RABGAP1: variants seen among roughly 807,000 people sequenced by gnomAD.
RABGAP1 encodes rab GTPase-activating protein 1.
RABGAP1 carries 23 observed loss-of-function variants against 137.6 expected under a neutral mutation model. That is an observed-to-expected ratio of 0.17 (90% CI 0.12 to 0.24). The LOEUF (loss-of-function observed/expected upper bound fraction) is 0.24. RABGAP1 is among the 10% of genes least tolerant of loss of function. RABGAP1 has a pLI of 1.00. For missense variants in RABGAP1, 906 were observed against 1,275.8 expected, an observed-to-expected ratio of 0.71 and a Z score of 4.42; for synonymous variants, 451 against 450.7, an observed-to-expected ratio of 1.00 and a Z score of -0.01.
In RABGAP1 at chr9:123,098,705, A is replaced by G. The variant is rs766566836; in HGVS notation, c.2734-10A>G. On this transcript the variant is annotated splice_polypyrimidine_tract_variant and intron_variant, in intron 22 of 25. Coordinates refer to ENST00000373647, the MANE Select transcript of RABGAP1 (RefSeq NM_012197.4). ...TTAACATAGTCCCTTTTGTTTTTTT[A>G]TGTGTGCAGTTAAAAGAAATGTGCC... The G allele has an allele frequency of 5.0e-6, 8 of 1,606,146 alleles. No homozygotes were observed. Among genetic ancestry groups the G allele is most frequent in the African/African-American group, 1.3e-5 (1 of 74,138 alleles).
intron 6 of RABGAP1, among the ~76,000 whole-genome samples, chr9:122,993,724 C>T (rs914000421): frequency 5.3e-5 from 8 of 152,154 alleles, no homozygotes; most frequent in East Asian, 1.9e-4. Flanking sequence ...CGTACAGTGG[C>T]GCAGTCTCGG....
Position 122,986,344 on chromosome 9 carries a change from C to G in RABGAP1, c.515C>G (p.Ser172Cys). 6.2e-7 allele frequency: 1 copy of G among 1,614,038 alleles called. No individual in the cohort carries two copies. Among genetic ancestry groups the G allele is most frequent in the Non-Finnish European group, 8.5e-7 (1 of 1,179,980 alleles). ...RSEVEALRMM[S>C]ILRSQCQISL... ...GAAGTGGAAGCCTTAAGGATGATGT[C>G]CATCTTAAGAAGCCAGTGTCAGATT... The change falls in exon 4 of 26, where the codon TCC becomes TGC. Residue 172 changes from serine to cysteine, a missense_variant. Ser to Cys is a moderately radical substitution (Grantham distance 112). This residue lies in a region of RABGAP1 where 331 missense variants were observed against 358.3 expected (regional missense o/e 0.92). Coordinates refer to ENST00000373647, the MANE Select transcript of RABGAP1 (RefSeq NM_012197.4).
At chr9:123,069,892 A>T (rs897695668) in intron 14 of RABGAP1, among the ~76,000 whole-genome samples, 5 of 152,158 alleles carry the variant, frequency 3.3e-5, no homozygotes, top group African/African-American at 1.2e-4. Flanking sequence ...TCTAAAAATA[A>T]AATAAAATGC....
At chr9:122,966,486 G>C (rs939417607) in intron 2 of RABGAP1, among the ~76,000 whole-genome samples, 1 of 151,996 alleles carries the variant, frequency 6.6e-6, no homozygotes, top group African/African-American at 2.4e-5. Context: ...TTGTGCCATT[G>C]CCCCCCAGCC....
rs376003136 is a variant in RABGAP1, at chr9:123,001,147, C to T, written c.1374+2381C>T. 7.1e-4 allele frequency among the ~76,000 whole-genome samples: 108 copies of T among 152,088 alleles called. No homozygotes were observed. The East Asian group carries it at 0.02, about 28-fold the overall frequency. ...ACAGGTGGGAGCCACCGCGCCTGGC[C>T]CTATTTTTTTATTTTTTTAACCAGA... is the stretch of plus-strand genomic sequence containing the variant. On this transcript the variant is annotated intron_variant, in intron 10 of 25. Transcript: ENST00000373647.
chr9:122,938,175 A>C (rs1322812966), upstream of RABGAP1: 1 of 152,174 alleles, frequency 6.6e-6, no homozygotes, highest in African/African-American at 2.4e-5. Flanking sequence ...TCCTTAGCTC[A>C]AGCCTTCCTC....
intron 14 of RABGAP1, among the ~76,000 whole-genome samples, chr9:123,066,367 TG>T (rs1321149162): frequency 6.6e-6 from 1 of 152,234 alleles, no homozygotes; most frequent in African/African-American, 2.4e-5. Context: ...GCTTAAGCAG[TG>T]ACCCCTGCCA....
chr9:123,095,210 G>A (rs1019904416), intron 21 of RABGAP1, among the ~76,000 whole-genome samples: 1 of 112,290 alleles, frequency 8.9e-6, no homozygotes, highest in African/African-American at 3.3e-5. Flanking sequence ...CTGGGTGACA[G>A]AGTGAAACCT....
chr9:123,006,199 T>G (rs1287464421), intron 10 of RABGAP1, among the ~76,000 whole-genome samples: 3 of 152,212 alleles, frequency 2.0e-5, no homozygotes, highest in Admixed American at 1.3e-4. Flanking sequence ...TCTTATGTAC[T>G]TGAATATATC....
At chr9:123,023,118 T>TA (rs2031745709) in intron 13 of RABGAP1, among the ~76,000 whole-genome samples, 1 of 152,150 alleles carries the variant, frequency 6.6e-6, no homozygotes, top group African/African-American at 2.4e-5. Flanking sequence ...TAAATACCCT[T>TA]ACTACACCCC....
intron 1 of RABGAP1, among the ~76,000 whole-genome samples, chr9:122,951,133 A>G (rs1308457179): frequency 6.6e-6 from 1 of 152,298 alleles, no homozygotes; most frequent in East Asian, 1.9e-4. Context: ...GTAGAGGTGG[A>G]GGCATTAATA....
In RABGAP1 at chr9:123,090,269, C is replaced by A. The variant is rs2034996075; in HGVS notation, c.2518-6C>A. The stretch of plus-strand genomic sequence containing the variant: ...TGTCTGTAACTGGTTTCTTTCTACC[C>A]TTCAGCGGGAGAATAGGCGTCTACA... On this transcript the variant is annotated splice_region_variant and splice_polypyrimidine_tract_variant and intron_variant, in intron 20 of 25. Coordinates refer to ENST00000373647, the MANE Select transcript of RABGAP1 (RefSeq NM_012197.4). 1.9e-6 allele frequency: 3 copies of A among 1,604,466 alleles called. No homozygotes were observed. The highest frequency in any genetic ancestry group is 2.6e-6 in the Non-Finnish European group (3 of 1,173,962).
At chr9:123,031,487 T>A (rs1449822720) in intron 13 of RABGAP1, among the ~76,000 whole-genome samples, 1 of 152,120 alleles carries the variant, frequency 6.6e-6, no homozygotes, top group Non-Finnish European at 1.5e-5. Flanking sequence ...AAATGTACAT[T>A]TTGGATATTT....
chr9:122,965,442 G>A (rs1007131722), intron 2 of RABGAP1, among the ~76,000 whole-genome samples: 1 of 152,132 alleles, frequency 6.6e-6, no homozygotes, highest in African/African-American at 2.4e-5. Flanking sequence ...GGAGTGCAGT[G>A]GCGTGATCTC....
intron 5 of RABGAP1, 27 bp from the exon 6 acceptor site, chr9:122,990,029 C>G: frequency 6.4e-7 from 1 of 1,551,992 alleles, no homozygotes; most frequent in Non-Finnish European, 8.8e-7. Flanking sequence ...TTGATAACAG[C>G]CCATTTCCTA....
At chr9:123,091,009 GATA>G (rs1284965099) in intron 21 of RABGAP1, among the ~76,000 whole-genome samples, 1 of 152,230 alleles carries the variant, frequency 6.6e-6, no homozygotes, top group Non-Finnish European at 1.5e-5. Flanking sequence ...TAAAGGGATG[GATA>G]ATAAGTGTTT....
At chr9:123,067,414 G>C (rs1017239728) in intron 14 of RABGAP1, among the ~76,000 whole-genome samples, 4 of 152,198 alleles carry the variant, frequency 2.6e-5, no homozygotes, top group Non-Finnish European at 5.9e-5. Context: ...GATCATTTCA[G>C]TGGCCTCCAC....
chr9:122,967,849 C>T (rs1310642899), intron 2 of RABGAP1, among the ~76,000 whole-genome samples: 1 of 151,866 alleles, frequency 6.6e-6, no homozygotes, highest in East Asian at 1.9e-4. Context: ...GCCTCAGCCT[C>T]CTGAGTAGCT....
At chr9:123,057,919 G>A (rs926731063) in intron 13 of RABGAP1, among the ~76,000 whole-genome samples, 1 of 151,982 alleles carries the variant, frequency 6.6e-6, no homozygotes. Context: ...CAGGCGTGGC[G>A]GCGCGCGCCT....
Sources: allele counts gnomAD v4.1 joint callset (sites outside exome capture counted in the v4.1 genomes callset), GRCh38; gene constraint gnomAD v4.1.1; regional missense constraint gnomAD v4.1.1; transcripts MANE v1.5; gene names NCBI Gene and HGNC (gene_info 2026-07-23, HGNC 2026-07-21).